The following EIF2AK4 variants were observed in gnomAD, a reference collection of about 807,000 sequenced individuals.
EIF2AK4 encodes eIF-2-alpha kinase GCN2.
In EIF2AK4, 139 loss-of-function variants were observed where a neutral mutation model predicts 211.1. The ratio of observed to expected loss-of-function variants is 0.66; its 90% CI spans 0.57 to 0.76. EIF2AK4 has a LOEUF of 0.76. Among genes scored for constraint, EIF2AK4 ranks in the 30% least tolerant of loss-of-function variants. EIF2AK4 has a pLI of 0.00. For synonymous variants in EIF2AK4, 710 were observed against 751.3 expected (o/e 0.94, Z 0.90); for missense variants, 1,664 against 2,043.8 (o/e 0.81, Z 3.58).
chr15:40,026,707 T>A (rs1234510632), intron 33 of EIF2AK4, among the ~76,000 whole-genome samples: 1 of 152,224 alleles, frequency 6.6e-6, no homozygotes, highest in Non-Finnish European at 1.5e-5. Flanking sequence ...AGTCTGCTAA[T>A]CAGTGAATTT....
At chr15:40,015,228 C>G (rs1170874197) in intron 27 of EIF2AK4, among the ~76,000 whole-genome samples, 8 of 152,210 alleles carry the variant, frequency 5.3e-5, no homozygotes. Context: ...GGTATCTTTA[C>G]AGCCCAACTC....
intron 11 of EIF2AK4, chr15:39,974,519 T>G (rs1185108687): frequency 1.3e-5 from 2 of 152,164 alleles, no homozygotes; most frequent in Non-Finnish European, 2.9e-5. Flanking sequence ...AAAAAAGGAA[T>G]TAAATTAGTT....
At chr15:39,943,833 T>C (rs1256826514) in intron 3 of EIF2AK4, among the ~76,000 whole-genome samples, 2 of 152,042 alleles carry the variant, frequency 1.3e-5, no homozygotes, top group Non-Finnish European at 2.9e-5. Context: ...TGTATGCCTA[T>C]AGTGCAAGCT....
intron 23 of EIF2AK4, among the ~76,000 whole-genome samples, chr15:40,004,924 C>T (rs1034568410): frequency 3.9e-5 from 6 of 152,126 alleles, no homozygotes; most frequent in African/African-American, 1.4e-4. Flanking sequence ...ACAGTCAGCT[C>T]TTCGTACATA....
Position 39,978,066 on chromosome 15 carries a change from T to G in EIF2AK4, c.2250-12T>G. On this transcript the variant is annotated splice_polypyrimidine_tract_variant and intron_variant, in intron 12 of 38. Coordinates refer to ENST00000263791, the MANE Select transcript of EIF2AK4 (RefSeq NM_001013703.4). ...TTTCTGTTCCTTTAGTATTTCTGTT[T>G]CCCTTTTTCAGGCCTGCTTCAGATT... is the stretch of plus-strand genomic sequence containing the variant. 1 of 1,588,344 alleles carries G rather than the reference T, an allele frequency of 6.3e-7. No homozygotes were observed. The highest frequency in any genetic ancestry group is 8.6e-7 in the Non-Finnish European group (1 of 1,162,398).
chr15:40,030,896 A>G (rs1049083179), intron 35 of EIF2AK4, among the ~76,000 whole-genome samples: 6 of 152,250 alleles, frequency 3.9e-5, no homozygotes, highest in African/African-American at 1.4e-4. Context: ...CCAGTCCTCA[A>G]AAGAGTTTAT....
At chr15:40,010,896 C>T (rs1008908274) in intron 26 of EIF2AK4, among the ~76,000 whole-genome samples, 2 of 152,152 alleles carry the variant, frequency 1.3e-5, no homozygotes, top group East Asian at 3.8e-4. Flanking sequence ...TCATGTCCTG[C>T]GGCTACGGCA....
At chr15:39,950,857 C>G (rs1232882992) in intron 4 of EIF2AK4, among the ~76,000 whole-genome samples, 1 of 152,066 alleles carries the variant, frequency 6.6e-6, no homozygotes, top group Non-Finnish European at 1.5e-5. Flanking sequence ...TTAAAAAAAT[C>G]CAAATACTGG....
At chr15:39,994,490 T>C (rs2034993094) in intron 18 of EIF2AK4, among the ~76,000 whole-genome samples, 1 of 152,102 alleles carries the variant, frequency 6.6e-6, no homozygotes, top group Non-Finnish European at 1.5e-5. Flanking sequence ...ACGTCTGTAG[T>C]CCCAGCTCCT....
chr15:39,965,541 G>T, intron 7 of EIF2AK4, 145 bp from the exon 8 acceptor site: 1 of 908,244 alleles, frequency 1.1e-6, no homozygotes, highest in Non-Finnish European at 1.7e-6. Context: ...TTTACAAAAG[G>T]ACATTATTAC....
At chr15:40,027,923 G>A (rs956985985) in intron 33 of EIF2AK4, among the ~76,000 whole-genome samples, 3 of 151,244 alleles carry the variant, frequency 2.0e-5, no homozygotes, top group Non-Finnish European at 4.4e-5. Context: ...CAACAACAAC[G>A]AATATATAAT....
At position 40,022,545 on chromosome 15, in the gene EIF2AK4, C is replaced by G; in HGVS notation, c.4329C>G (p.Cys1443Trp). The G allele has an allele frequency of 6.2e-7, 1 of 1,614,142 alleles. No homozygotes were observed. The highest frequency in any genetic ancestry group is 8.5e-7 in the Non-Finnish European group (1 of 1,180,004). ...SQSQEELQEY[C>W]RHHEITYVAL... ...CCCAAGAGGAATTACAAGAGTACTG[C>G]AGACATCATGAAATCACCTATGTGG... is the stretch of plus-strand genomic sequence containing the variant. The change falls in exon 32 of 39, where the codon TGC (cysteine) becomes TGG (tryptophan). Residue 1443 changes from cysteine to tryptophan, a missense_variant. Coordinates refer to ENST00000263791, the MANE Select transcript of EIF2AK4 (RefSeq NM_001013703.4).
intron 4 of EIF2AK4, among the ~76,000 whole-genome samples, chr15:39,952,834 T>G (rs1238714015): frequency 6.6e-6 from 1 of 152,088 alleles, no homozygotes; most frequent in African/African-American, 2.4e-5. Flanking sequence ...TTGTAGTTCT[T>G]TTTTATTATT....
chr15:39,948,321 A>C (rs1223524275), intron 3 of EIF2AK4, among the ~76,000 whole-genome samples: 1 of 152,210 alleles, frequency 6.6e-6, no homozygotes, highest in African/African-American at 2.4e-5. Flanking sequence ...GAGAAAAAAA[A>C]TCTCAATGTT....
chr15:39,965,578 G>A (rs1046743728), intron 7 of EIF2AK4, 108 bp from the exon 8 acceptor site: 19 of 1,244,454 alleles, frequency 1.5e-5, no homozygotes, highest in African/African-American at 1.1e-4. Flanking sequence ...CATAGTTAGC[G>A]CATGGTATCC....
In EIF2AK4 at chr15:39,990,362, C is replaced by T; in HGVS notation, c.2616C>T (p.Asp872=). The T allele has an allele frequency of 1.2e-6, 2 of 1,613,856 alleles. No homozygotes were observed. The highest frequency in any genetic ancestry group is 1.1e-5 in the South Asian group (1 of 91,052). The part of the protein sequence containing the change: ...VKIGDFGLAT[D]HLAFSADSKQ... ...TAGGTGATTTTGGTTTGGCGACAGA[C>T]CATCTAGCCTTTTCTGTAAGTATTT... The change falls in exon 16 of 39, where the codon GAC becomes GAT. Residue 872 remains aspartate (D), a synonymous_variant. Transcript: ENST00000263791.
intron 14 of EIF2AK4, among the ~76,000 whole-genome samples, chr15:39,987,203 G>A (rs552700552): frequency 2.6e-5 from 4 of 152,176 alleles, no homozygotes; most frequent in Non-Finnish European, 5.9e-5. Flanking sequence ...TGAGATAGAA[G>A]TACACAAAGG....
intron 6 of EIF2AK4, among the ~76,000 whole-genome samples, chr15:39,958,009 C>T (rs749775741): frequency 1.3e-5 from 2 of 152,208 alleles, no homozygotes; most frequent in Non-Finnish European, 2.9e-5. Flanking sequence ...TGTTGAAGAA[C>T]TTTATTTTCT....
chr15:39,991,049 T>C (rs16970137), intron 16 of EIF2AK4: 80,800 of 152,444 alleles, frequency 0.53, 22,900 homozygotes, highest in Non-Finnish European at 0.64. Flanking sequence ...GGTGGTAGGC[T>C]TTGAATGCCA....
Sources: gnomAD v4.1 joint callset for allele counts (sites outside exome capture counted in the v4.1 genomes callset) on GRCh38, gnomAD v4.1.1 for gene constraint, MANE v1.5 for transcripts, NCBI Gene and HGNC (gene_info 2026-07-23, HGNC 2026-07-21) for gene names.